TVP23C: variants seen among roughly 807,000 people sequenced by gnomAD.
TVP23C encodes trans-golgi network vesicle protein 23 homolog C.
In TVP23C, 19 loss-of-function variants were observed where a neutral mutation model predicts 28.7. That is an observed-to-expected ratio of 0.66 (90% confidence interval 0.46 to 0.97). The LOEUF is 0.97. Ranked by LOEUF, TVP23C falls within the 50% of genes least tolerant of loss-of-function variation. The pLI, the probability that TVP23C is intolerant of heterozygous loss-of-function variation, is 0.00. For missense variants in TVP23C, 186 were observed against 241.3 expected, an observed-to-expected ratio of 0.77 and a Z score of 1.52; for synonymous variants, 68 against 81.7, an observed-to-expected ratio of 0.83 and a Z score of 0.90.
chr17:15,561,111 T>A (rs931540550), intron 1 of TVP23C, among the ~76,000 whole-genome samples: 1 of 152,146 alleles, frequency 6.6e-6, no homozygotes, highest in African/African-American at 2.4e-5. Flanking sequence ...GTGTGAAAAT[T>A]GTCTTCCGAC....
At chr17:15,503,084 G>A in exon 6 of TVP23C, 2 of 1,614,172 alleles carry the variant, frequency 1.2e-6, no homozygotes, top group Non-Finnish European at 1.7e-6. Context: ...CCTCGTGAAA[G>A]AATTAATGTC....
At chr17:15,550,991 G>T (rs1983857866) in intron 3 of TVP23C, among the ~76,000 whole-genome samples, 1 of 152,134 alleles carries the variant, frequency 6.6e-6, no homozygotes, top group Non-Finnish European at 1.5e-5. Context: ...TGTACTCTCT[G>T]ATTTAAGCTT....
intron 5 of TVP23C, among the ~76,000 whole-genome samples, chr17:15,542,361 G>C (rs533856758): frequency 6.6e-6 from 1 of 152,250 alleles, no homozygotes; most frequent in Non-Finnish European, 1.5e-5. Flanking sequence ...ATAATCATGA[G>C]AGATGATCAT....
chr17:15,537,851 A>C lies in TVP23C; in HGVS notation c.*2561T>G. The C allele has an allele frequency of 7.8e-7, 1 of 1,281,888 alleles. No homozygotes were observed. The highest frequency in any genetic ancestry group is 9.8e-7 in the Non-Finnish European group (1 of 1,015,356). 79.4% of individuals were successfully genotyped at this position (1,281,888 alleles called of 1,614,324 possible). The stretch of plus-strand genomic sequence containing the variant: ...CATTAACTTGGGATATACAGGTATT[A>C]CATGGCCGTGTGCATACCTATGGAA... On this transcript the variant is annotated 3_prime_UTR_variant, in exon 6 of 6. Transcript: ENST00000518321.
At chr17:15,521,684 G>T (rs1982487312) in intron 5 of TVP23C, among the ~76,000 whole-genome samples, 1 of 152,238 alleles carries the variant, frequency 6.6e-6, no homozygotes, top group Admixed American at 6.5e-5. Context: ...AGATATTTCA[G>T]TAATTGGTTA....
At chr17:15,505,357 T>A (rs1476220005) in intron 5 of TVP23C, among the ~76,000 whole-genome samples, 1 of 152,196 alleles carries the variant, frequency 6.6e-6, no homozygotes, top group Non-Finnish European at 1.5e-5. Context: ...ATGTCAATTC[T>A]CCCACCAGTC....
intron 5 of TVP23C, among the ~76,000 whole-genome samples, chr17:15,522,795 C>A (rs1470101920): frequency 6.6e-6 from 1 of 152,030 alleles, no homozygotes; most frequent in East Asian, 1.9e-4. Context: ...GTAATCCCAG[C>A]ACAATGGGAG....
chr17:15,516,127 A>G (rs1336559805), intron 5 of TVP23C, among the ~76,000 whole-genome samples: 1 of 152,202 alleles, frequency 6.6e-6, no homozygotes, highest in Non-Finnish European at 1.5e-5. Context: ...CTATGAGCCA[A>G]TTAAACCTCT....
chr17:15,502,726 CTCTCTTTCTCTCTCCTCTCTCCCG>C (rs71150256), exon 6 of TVP23C: 183,854 of 1,303,884 alleles, frequency 0.14, 12,527 homozygotes, highest in Middle Eastern at 0.17. Flanking sequence ...TCTCCTCTCT[CTCTCTTTCTCTCTCCTCTCTCCCG>C]TCTCTTTCTC....
At position 15,547,234 on chromosome 17, in the gene TVP23C, C is replaced by G. The variant is rs1271103417; in HGVS notation, c.241-86G>C. On this transcript the variant is annotated intron_variant, in intron 3 of 5. Transcript: ENST00000518321. ...GCTCCTATCTTAGTGTAACATTTCA[C>G]AAACAAAAACCTTCAGCTTTACCTC... The G allele has an allele frequency of 5.7e-6, 9 of 1,591,394 alleles. No individual in the cohort carries two copies. The Middle Eastern group carries it at 6.8e-4, about 120-fold the overall frequency.
Position 15,507,796 on chromosome 17 carries a change from G to A in TVP23C, c.463-4564C>T, listed in dbSNP as rs111723553. ...GGAGCTTGCAGTGAGCCGAGATGGCGCCACTGCACTTCAGCCTGGGTGACA... is the reference window on the plus strand; with the variant it reads ...GGAGCTTGCAGTGAGCCGAGATGGCACCACTGCACTTCAGCCTGGGTGACA... On this transcript the variant is annotated intron_variant, in intron 5 of 5. Coordinates refer to the TVP23C transcript ENST00000225576. Among the ~76,000 whole-genome samples the A allele has an allele frequency of 3.4e-3, 515 of 152,088 alleles. 1 individual carries two copies. The highest frequency in any genetic ancestry group is 0.012 in the African/African-American group (487 of 41,486).
At chr17:15,559,054 G>A (rs1461923646) in intron 1 of TVP23C, among the ~76,000 whole-genome samples, 2 of 147,338 alleles carry the variant, frequency 1.4e-5, no homozygotes, top group Admixed American at 6.9e-5. Context: ...TCAAACTCCC[G>A]GGCTCAAGCA....
intron 2 of TVP23C, 77 bp downstream of exon 2, chr17:15,555,205 A>T: frequency 6.3e-7 from 1 of 1,595,528 alleles, no homozygotes; most frequent in South Asian, 1.1e-5. Flanking sequence ...CTCTGCCTTG[A>T]CTCCCATCAG....
At chr17:15,549,333 C>G (rs1401109309) in intron 3 of TVP23C, among the ~76,000 whole-genome samples, 2 of 151,990 alleles carry the variant, frequency 1.3e-5, no homozygotes, top group Non-Finnish European at 2.9e-5. Context: ...ACGGTTTGCT[C>G]AAGTAAAAAA....
In TVP23C at chr17:15,555,270, T is replaced by C; in HGVS notation, c.95+12A>G. ...TGGACACTAACACAGCTCATGCAAC[T>C]TCTCCTCCTACCTGATTTTGGCTTT... On this transcript the variant is annotated intron_variant, in intron 2 of 5. Transcript: ENST00000518321. 1 of 1,613,984 alleles carries C rather than the reference T, an allele frequency of 6.2e-7. No individual in the cohort carries two copies. Among genetic ancestry groups the C allele is most frequent in the Non-Finnish European group, 8.5e-7 (1 of 1,179,864 alleles).
At chr17:15,508,495 C>T (rs1981865043) in intron 5 of TVP23C, among the ~76,000 whole-genome samples, 1 of 152,164 alleles carries the variant, frequency 6.6e-6, no homozygotes, top group Non-Finnish European at 1.5e-5. Context: ...CCTGCTCCCA[C>T]CTGGCCAAGA....
intron 5 of TVP23C, among the ~76,000 whole-genome samples, chr17:15,514,945 C>T (rs972769730): frequency 3.3e-5 from 5 of 152,186 alleles, no homozygotes; most frequent in African/African-American, 7.2e-5. Flanking sequence ...CAGATCCCCG[C>T]GGATCCCTTT....
intron 3 of TVP23C, among the ~76,000 whole-genome samples, chr17:15,550,625 A>AT (rs1473459209): frequency 1.3e-5 from 2 of 152,028 alleles, no homozygotes; most frequent in African/African-American, 4.8e-5. Flanking sequence ...AATATTTCCA[A>AT]TTTTTTTACT....
chr17:15,560,948 A>G (rs1984355314), intron 1 of TVP23C, among the ~76,000 whole-genome samples: 1 of 151,508 alleles, frequency 6.6e-6, no homozygotes, highest in African/African-American at 2.4e-5. Context: ...TGATGCAAGA[A>G]AGAGAATTAC....
Sources: allele counts gnomAD v4.1 joint callset (sites outside exome capture counted in the v4.1 genomes callset), GRCh38; gene constraint gnomAD v4.1.1; transcripts MANE v1.5; gene names NCBI Gene and HGNC (gene_info 2026-07-23, HGNC 2026-07-21).